The following ALPK2 variants were observed in gnomAD, a reference collection of about 807,000 sequenced individuals.
ALPK2 encodes alpha-protein kinase 2.
Under a neutral mutation model 163.1 loss-of-function variants are expected in ALPK2, and 127 were observed. The ratio of observed to expected loss-of-function variants is 0.78; its 90% CI spans 0.67 to 0.90. The LOEUF is 0.90. Ranked by LOEUF, ALPK2 falls within the 40% of genes least tolerant of loss-of-function variation. The probability of loss-of-function intolerance (pLI) is 0.00; values close to 1 mark genes in which losing one functional copy is unlikely to be tolerated. For missense variants in ALPK2, 2,360 were observed against 2,589.6 expected (o/e 0.91, Z 1.92); for synonymous variants, 953 against 959.1 (o/e 0.99, Z 0.12).
At chr18:58,494,655 A>G (rs1422428740) in intron 12 of ALPK2, among the ~76,000 whole-genome samples, 2 of 151,962 alleles carry the variant, frequency 1.3e-5, no homozygotes, top group African/African-American at 4.8e-5. Flanking sequence ...CAGCCCCCCC[A>G]TAGAACTTGC....
chr18:58,613,249 C>G lies in ALPK2; in HGVS notation c.-20-1432G>C, dbSNP rs538719256. 4.6e-5 allele frequency among the ~76,000 whole-genome samples: 7 copies of G among 152,248 alleles called. No homozygotes were observed. The South Asian group carries it at 1.2e-3, about 27-fold the overall frequency. ...AGAAGTGAGTAGAGGGAAAAGGAAC[C>G]TGAGTTCAGGGCCAATGATGTTTGA... is the stretch of plus-strand genomic sequence containing the variant. On this transcript the variant is annotated intron_variant, in intron 1 of 12. Coordinates refer to ENST00000361673, the MANE Select transcript of ALPK2 (RefSeq NM_052947.4).
At chr18:58,515,169 G>T in intron 9 of ALPK2, 88 bp from the exon 10 acceptor site, 1 of 1,019,712 alleles carries the variant, frequency 9.8e-7, no homozygotes, top group Non-Finnish European at 1.4e-6. Flanking sequence ...AGATTTCCCA[G>T]TAAGGTAAAG....
chr18:58,615,559 T>C (rs1031155889), intron 1 of ALPK2, among the ~76,000 whole-genome samples: 2 of 152,250 alleles, frequency 1.3e-5, no homozygotes, highest in African/African-American at 2.4e-5. Context: ...GTTTTCATAA[T>C]GGTAATCAGC....
At chr18:58,532,268 G>A (rs1041984018) in intron 5 of ALPK2, among the ~76,000 whole-genome samples, 3 of 152,208 alleles carry the variant, frequency 2.0e-5, no homozygotes, top group Admixed American at 1.3e-4. Context: ...TGATCCTAAA[G>A]AAAAGTGGGT....
chr18:58,609,909 T>C (rs139165284), intron 2 of ALPK2, among the ~76,000 whole-genome samples: 1,683 of 152,296 alleles, frequency 0.011, 38 homozygotes, highest in African/African-American at 0.039. Flanking sequence ...TGAATGACGA[T>C]GGACCATCAC....
At chr18:58,602,167 C>T (rs147326463) in intron 3 of ALPK2, among the ~76,000 whole-genome samples, 2 of 152,336 alleles carry the variant, frequency 1.3e-5, no homozygotes, top group Admixed American at 6.5e-5. Flanking sequence ...TGTCCCTAGA[C>T]ATCTCCCACT....
chr18:58,538,136 G>A lies in ALPK2; in HGVS notation c.2051C>T (p.Thr684Ile), dbSNP rs1377914488. The A allele has an allele frequency of 1.2e-6, 2 of 1,614,098 alleles. No homozygotes were observed. Among genetic ancestry groups the A allele is most frequent in the Non-Finnish European group, 1.7e-6 (2 of 1,180,038 alleles). Residue 684 changes from threonine to isoleucine, a missense_variant, in exon 5 of 13, where the codon ACT becomes ATT. Thr to Ile is a moderately conservative substitution (Grantham distance 89). Transcript: ENST00000361673. Reference protein sequence around the residue: ...SEPAGEESPFTGTTTISFSNL... With the variant: ...SEPAGEESPFIGTTTISFSNL... The stretch of plus-strand genomic sequence containing the variant: ...TGAGAAGGAAATTGTTGTGGTCCCA[G>A]TGAATGGGGACTCCTCCCCAGCAGG...
chr18:58,542,358 A>G (rs79195551), intron 4 of ALPK2, among the ~76,000 whole-genome samples: 2,117 of 152,368 alleles, frequency 0.014, 25 homozygotes, highest in Middle Eastern at 0.024. Flanking sequence ...AAACAGCAGT[A>G]GCTCAGGAAA....
chr18:58,521,627 C>CTCTTTTT (rs59358600), intron 8 of ALPK2, among the ~76,000 whole-genome samples: 3 of 55,386 alleles, frequency 5.4e-5, no homozygotes, highest in East Asian at 4.6e-4. Flanking sequence ...TTCTCTCTCT[C>CTCTTTTT]TTTTTTTTTT....
At chr18:58,538,822 C>G (rs1020608646) in intron 4 of ALPK2, among the ~76,000 whole-genome samples, 3 of 152,132 alleles carry the variant, frequency 2.0e-5, no homozygotes. Flanking sequence ...TGCCATCCCT[C>G]AGGGGTGGGG....
At chr18:58,623,008 T>C (rs925939529) in intron 1 of ALPK2, among the ~76,000 whole-genome samples, 11 of 151,484 alleles carry the variant, frequency 7.3e-5, no homozygotes, top group Non-Finnish European at 8.9e-5. Context: ...CAACCCTGAG[T>C]GTAGTTAACT....
At chr18:58,499,111 C>T (rs2051418107) in intron 11 of ALPK2, among the ~76,000 whole-genome samples, 1 of 152,164 alleles carries the variant, frequency 6.6e-6, no homozygotes, top group Non-Finnish European at 1.5e-5. Context: ...ACATTTGGAA[C>T]ACGTGGTCCT....
At chr18:58,491,705 C>T (rs1486189279) in intron 12 of ALPK2, among the ~76,000 whole-genome samples, 1 of 152,178 alleles carries the variant, frequency 6.6e-6, no homozygotes, top group Non-Finnish European at 1.5e-5. Context: ...TTCAGTCTTC[C>T]ATACAGCTGG....
chr18:58,484,755 A>T (rs535778907), intron 12 of ALPK2, among the ~76,000 whole-genome samples: 23 of 151,236 alleles, frequency 1.5e-4, no homozygotes, highest in Admixed American at 1.2e-3. Context: ...AAAATAATAT[A>T]ATAATAATAA....
At chr18:58,482,488 A>G (rs748282380) in intron 12 of ALPK2, among the ~76,000 whole-genome samples, 1 of 152,202 alleles carries the variant, frequency 6.6e-6, no homozygotes, top group East Asian at 1.9e-4. Flanking sequence ...TTCAATTTAC[A>G]GTTGAAGAAA....
intron 10 of ALPK2, among the ~76,000 whole-genome samples, chr18:58,504,538 CCATT>C (rs1350750889): frequency 2.0e-5 from 3 of 152,186 alleles, no homozygotes; most frequent in Admixed American, 1.3e-4. Context: ...ATCCATCCAT[CCATT>C]GATCCTTCTT....
chr18:58,582,454 C>G (rs541486886), intron 3 of ALPK2, among the ~76,000 whole-genome samples: 32 of 152,256 alleles, frequency 2.1e-4, no homozygotes, highest in Middle Eastern at 3.4e-3. Flanking sequence ...TTGGAGACAG[C>G]CTCATCCTCA....
At chr18:58,521,615 CTT>C (rs200970967) in intron 8 of ALPK2, among the ~76,000 whole-genome samples, 11,170 of 99,150 alleles carry the variant, frequency 0.11, 811 homozygotes, top group Middle Eastern at 0.19. Context: ...CTTTTTCTTT[CTT>C]TCTCTCTCTC....
intron 6 of ALPK2, among the ~76,000 whole-genome samples, chr18:58,525,374 C>T (rs1322825686): frequency 2.6e-5 from 4 of 152,110 alleles, no homozygotes; most frequent in African/African-American, 9.7e-5. Context: ...ACAGAGTGGG[C>T]CACAGAGGAG....
Sources: gnomAD v4.1 joint callset for allele counts (sites outside exome capture counted in the v4.1 genomes callset) on GRCh38, gnomAD v4.1.1 for gene constraint, MANE v1.5 for transcripts, NCBI Gene and HGNC (gene_info 2026-07-23, HGNC 2026-07-21) for gene names.